Variants in ACTL8 observed in about 807,000 individuals in gnomAD.
ACTL8 encodes the protein actin-like protein 8.
In ACTL8, 3 loss-of-function variants were observed where a neutral mutation model predicts 9.3. The ratio of observed to expected loss-of-function variants is 0.32; its 90% CI spans 0.15 to 0.83. The LOEUF (loss-of-function observed/expected upper bound fraction) is 0.83, where lower values mean the gene tolerates loss of function less well. Among genes scored for constraint, ACTL8 ranks in the 40% least tolerant of loss-of-function variants. The probability of loss-of-function intolerance (pLI) is 0.57; values close to 1 mark genes in which losing one functional copy is unlikely to be tolerated. For synonymous variants in ACTL8, 224 were observed against 205.9 expected, an observed-to-expected ratio of 1.09 and a Z score of -0.75; for missense variants, 381 against 492.2, an observed-to-expected ratio of 0.77 and a Z score of 2.14.
At chr1:17,758,507 C>T (rs954359673) in intron 1 of ACTL8, among the ~76,000 whole-genome samples, 2 of 152,138 alleles carry the variant, frequency 1.3e-5, no homozygotes, top group Non-Finnish European at 1.5e-5. Context: ...CCTGGGTGGC[C>T]GGGTCCCCTT....
intron 1 of ACTL8, among the ~76,000 whole-genome samples, chr1:17,820,225 T>C (rs1001807214): frequency 6.6e-6 from 1 of 152,168 alleles, no homozygotes; most frequent in Non-Finnish European, 1.5e-5. Context: ...AGTTTTACCT[T>C]TTCCAGAATG....
intron 1 of ACTL8, among the ~76,000 whole-genome samples, chr1:17,814,276 C>A (rs541482892): frequency 1.3e-3 from 194 of 152,294 alleles, no homozygotes; most frequent in African/African-American, 4.4e-3. Context: ...GCAGGAAGAA[C>A]GCTTGAGGAC....
At chr1:17,780,881 G>C (rs2066150362) in intron 1 of ACTL8, among the ~76,000 whole-genome samples, 1 of 152,114 alleles carries the variant, frequency 6.6e-6, no homozygotes. Context: ...GTATCCGGGA[G>C]GTTCTAAACT....
At chr1:17,770,930 G>C (rs1052665111) in intron 1 of ACTL8, among the ~76,000 whole-genome samples, 1 of 152,144 alleles carries the variant, frequency 6.6e-6, no homozygotes, top group Non-Finnish European at 1.5e-5. Flanking sequence ...TGGCTTCACC[G>C]CTGTGAGGCT....
In ACTL8 at chr1:17,802,720, T is replaced by A. The variant is rs969431563; in HGVS notation, c.-24-20265T>A. On this transcript the variant is annotated intron_variant, in intron 1 of 2. Transcript: ENST00000375406. The stretch of plus-strand genomic sequence containing the variant: ...AGTGATGGCTGGGCATGGCGGCTCA[T>A]ACCTGTAATCCCAGCACTTTGGGAG... 3.9e-5 allele frequency among the ~76,000 whole-genome samples: 6 copies of A among 152,256 alleles called. No homozygotes were observed. In the South Asian group the frequency reaches 1.2e-3, roughly 32 times the overall value.
chr1:17,802,116 C>G (rs1446116328), intron 1 of ACTL8, among the ~76,000 whole-genome samples: 1 of 152,182 alleles, frequency 6.6e-6, no homozygotes, highest in Non-Finnish European at 1.5e-5. Flanking sequence ...TCGTGGGAAT[C>G]TATTGCAGGA....
intron 1 of ACTL8, among the ~76,000 whole-genome samples, chr1:17,787,164 A>G (rs980099489): frequency 6.6e-6 from 1 of 152,028 alleles, no homozygotes; most frequent in Non-Finnish European, 1.5e-5. Flanking sequence ...ATACTTTTCC[A>G]TGCTCTTATA....
chr1:17,818,340 C>T (rs2066441406), intron 1 of ACTL8, among the ~76,000 whole-genome samples: 1 of 152,224 alleles, frequency 6.6e-6, no homozygotes, highest in African/African-American at 2.4e-5. Flanking sequence ...ACACCTTTCA[C>T]CTCCTGTAAT....
chr1:17,820,291 T>C (rs570233607), intron 1 of ACTL8, among the ~76,000 whole-genome samples: 1 of 152,280 alleles, frequency 6.6e-6, no homozygotes, highest in East Asian at 1.9e-4. Context: ...TCTTTCAGCC[T>C]CGGGCATTTG....
At chr1:17,802,408 C>T (rs897043987) in intron 1 of ACTL8, among the ~76,000 whole-genome samples, 7 of 146,462 alleles carry the variant, frequency 4.8e-5, no homozygotes, top group East Asian at 2.0e-4. Flanking sequence ...CAGCAGATCC[C>T]GGATGACTGT....
At chr1:17,756,369 G>C (rs919801723) in intron 1 of ACTL8, among the ~76,000 whole-genome samples, 1 of 151,954 alleles carries the variant, frequency 6.6e-6, no homozygotes, top group African/African-American at 2.4e-5. Flanking sequence ...GCTTTGTCCA[G>C]CTCTGGTTTG....
chr1:17,813,628 C>G (rs1270380449), intron 1 of ACTL8, among the ~76,000 whole-genome samples: 1 of 152,084 alleles, frequency 6.6e-6, no homozygotes, highest in South Asian at 2.1e-4. Flanking sequence ...TAATACTGGC[C>G]CCACAAACTG....
chr1:17,769,339 C>T (rs1194643262), intron 1 of ACTL8, among the ~76,000 whole-genome samples: 1 of 152,302 alleles, frequency 6.6e-6, no homozygotes, highest in East Asian at 1.9e-4. Flanking sequence ...TGTTTCTCTT[C>T]TCTCCATTTC....
chr1:17,819,958 G>GCGAT (rs1378760247), intron 1 of ACTL8, among the ~76,000 whole-genome samples: 2 of 151,992 alleles, frequency 1.3e-5, no homozygotes, highest in African/African-American at 4.8e-5. Context: ...GAAGTGAGAC[G>GCGAT]CGATCGTGCC....
chr1:17,758,000 A>C (rs1178363511), intron 1 of ACTL8, among the ~76,000 whole-genome samples: 1 of 152,174 alleles, frequency 6.6e-6, no homozygotes, highest in African/African-American at 2.4e-5. Context: ...TATCATGTCT[A>C]ATCTGCACTC....
rs1401507478 is a variant in ACTL8 at position 17,767,343 on chromosome 1, A to AG, written c.-25+11845dup. 6.6e-6 allele frequency among the ~76,000 whole-genome samples: 1 copy of AG among 152,012 alleles called. No individual in the cohort carries two copies. The highest frequency in any genetic ancestry group is 2.4e-5 in the African/African-American group (1 of 41,362). Reference sequence around the variant, plus strand: ...CAGAGCCGGGGGATGAGGCGGAGGCAGGGGGGCCAGTGTGGGGGCCGTCCC... The same window carrying AG: ...CAGAGCCGGGGGATGAGGCGGAGGCAGGGGGGGCCAGTGTGGGGGCCGTCCC... On this transcript the variant is annotated intron_variant, in intron 1 of 2. Transcript: ENST00000375406. The surrounding 1 kb of genome is among the most constrained non-coding windows in gnomAD (Gnocchi z 4.7).
chr1:17,775,328 C>A (rs560108050), intron 1 of ACTL8, among the ~76,000 whole-genome samples: 1 of 151,922 alleles, frequency 6.6e-6, no homozygotes, highest in Non-Finnish European at 1.5e-5. Flanking sequence ...AGCTGATTGA[C>A]TCCTGGGGCC....
At position 17,826,481 on chromosome 1, in the gene ACTL8, A is replaced by G. The variant is rs780264764; in HGVS notation, c.1063A>G (p.Met355Val). 6.2e-7 allele frequency: 1 copy of G among 1,605,412 alleles called. No individual in the cohort carries two copies. Among genetic ancestry groups the G allele is most frequent in the South Asian group, 1.1e-5 (1 of 89,738 alleles). Residue 355 changes from methionine (M) to valine (V), a missense_variant, in exon 3 of 3, where the codon ATG becomes GTG. Physicochemically the swap from Met to Val is conservative, Grantham distance 21. This residue lies in a region of ACTL8 where 243 missense variants were observed against 276.2 expected (regional missense o/e 0.88). Coordinates refer to ENST00000375406, the MANE Select transcript of ACTL8 (RefSeq NM_030812.3). The surrounding 1 kb of genome is among the most constrained non-coding windows in gnomAD (Gnocchi z 4.5). ...CCTTTCTACCTACCAGTCTGAGTGG[A>G]TGTCCCGAGAGGAGTATGGTGAGCA... ...AHLSTYQSEWMSREEYGEHMR... is the reference protein window; with the variant it reads ...AHLSTYQSEWVSREEYGEHMR...
At chr1:17,766,267 A>G (rs1367683381) in intron 1 of ACTL8, among the ~76,000 whole-genome samples, 1 of 152,186 alleles carries the variant, frequency 6.6e-6, no homozygotes, top group African/African-American at 2.4e-5. Flanking sequence ...AATTGTGTTC[A>G]CATCCCTGAT....
Sources: allele counts gnomAD v4.1 joint callset (sites outside exome capture counted in the v4.1 genomes callset), GRCh38; gene constraint gnomAD v4.1.1; regional missense constraint gnomAD v4.1.1; non-coding constraint Gnocchi (gnomAD v3.1); transcripts MANE v1.5; gene names NCBI Gene and HGNC (gene_info 2026-07-23, HGNC 2026-07-21).